The following GABRB2 variants were observed in gnomAD, a reference collection of about 807,000 sequenced individuals.
The protein encoded by GABRB2 is gamma-aminobutyric acid receptor subunit beta-2.
GABRB2 carries 16 observed loss-of-function variants against 54.7 expected under a neutral mutation model. The ratio of observed to expected loss-of-function variants is 0.29; its 90% CI spans 0.20 to 0.44. The LOEUF (loss-of-function observed/expected upper bound fraction) is 0.44. Among genes scored for constraint, GABRB2 ranks in the 20% least tolerant of loss-of-function variants. GABRB2 has a pLI of 1.00. For missense variants in GABRB2, 355 were observed against 644.0 expected, an observed-to-expected ratio of 0.55 and a Z score of 4.86; for synonymous variants, 244 against 233.8, an observed-to-expected ratio of 1.04 and a Z score of -0.40.
chr5:161,323,475 T>C (rs1758276324), intron 9 of GABRB2, among the ~76,000 whole-genome samples: 1 of 135,814 alleles, frequency 7.4e-6, no homozygotes, highest in Non-Finnish European at 1.6e-5. Context: ...GCTTCTGGGT[T>C]TTCCCTTTAT....
chr5:161,415,424 A>G (rs552706957), intron 4 of GABRB2, among the ~76,000 whole-genome samples: 1 of 152,228 alleles, frequency 6.6e-6, no homozygotes, highest in African/African-American at 2.4e-5. Context: ...ATCGTAAAAT[A>G]TTAACACAGA....
At chr5:161,404,278 T>G (rs1756285058) in intron 5 of GABRB2, among the ~76,000 whole-genome samples, 1 of 152,028 alleles carries the variant, frequency 6.6e-6, no homozygotes, top group African/African-American at 2.4e-5. Context: ...TTCAAGAAAA[T>G]ATCAAAATAG....
At chr5:161,497,530 A>ATGTGTGTGTGTGTG (rs71587162) in intron 3 of GABRB2, among the ~76,000 whole-genome samples, 15 of 147,394 alleles carry the variant, frequency 1.0e-4, no homozygotes, top group South Asian at 6.5e-4. Context: ...GTGTGTGTAT[A>ATGTGTGTGTGTGTG]TGTGTGTGTG....
intron 9 of GABRB2, among the ~76,000 whole-genome samples, chr5:161,317,855 A>T (rs1758089326): frequency 6.6e-6 from 1 of 152,098 alleles, no homozygotes; most frequent in Admixed American, 6.5e-5. Flanking sequence ...CTGTGTATGA[A>T]TGTATGAAAA....
rs1757286006 is a variant in GABRB2, at chr5:161,293,327, T to G, written c.*754A>C. 6.6e-6 allele frequency: 1 copy of G among 152,310 alleles called. No individual in the cohort carries two copies. The allele number at this position is 152,310 out of a possible 1,614,324, so 9.4% of individuals were successfully genotyped here. ...TTTTTGTTACAACCGTCGTTTCTGA[T>G]TTTCTACTCTGCTCTGTGTTGTTAA... On this transcript the variant is annotated 3_prime_UTR_variant, in exon 10 of 10. Coordinates refer to ENST00000393959, the MANE Select transcript of GABRB2 (RefSeq NM_001371727.1).
At chr5:161,514,863 C>T (rs1299644160) in intron 3 of GABRB2, among the ~76,000 whole-genome samples, 1 of 152,130 alleles carries the variant, frequency 6.6e-6, no homozygotes, top group Non-Finnish European at 1.5e-5. Context: ...ATTGATTAAT[C>T]TTTCTAATCT....
intron 4 of GABRB2, among the ~76,000 whole-genome samples, chr5:161,448,666 G>C (rs1474651453): frequency 6.6e-6 from 1 of 152,086 alleles, no homozygotes; most frequent in Non-Finnish European, 1.5e-5. Context: ...TTGTATAACT[G>C]TGAAATAGAA....
At chr5:161,527,580 T>C (rs558494758) in intron 3 of GABRB2, among the ~76,000 whole-genome samples, 2 of 151,658 alleles carry the variant, frequency 1.3e-5, no homozygotes, top group Non-Finnish European at 1.5e-5. Flanking sequence ...ATATGTGATA[T>C]AGGCTCAATA....
chr5:161,464,168 A>C (rs1758209801), intron 3 of GABRB2, among the ~76,000 whole-genome samples: 1 of 152,092 alleles, frequency 6.6e-6, no homozygotes, highest in Non-Finnish European at 1.5e-5. Flanking sequence ...AATATAAACT[A>C]CAGACTGGAA....
intron 3 of GABRB2, among the ~76,000 whole-genome samples, chr5:161,476,954 T>C (rs1433753065): frequency 6.6e-6 from 1 of 151,832 alleles, no homozygotes; most frequent in Non-Finnish European, 1.5e-5. Context: ...TAAAGACTTA[T>C]GCATACCAAA....
intron 3 of GABRB2, among the ~76,000 whole-genome samples, chr5:161,473,817 A>G (rs1433953578): frequency 6.6e-6 from 1 of 151,966 alleles, no homozygotes; most frequent in African/African-American, 2.4e-5. Context: ...TAAGATGTAG[A>G]GTCAAGTAAA....
chr5:161,469,722 CACATACACA>C (rs1186896435), intron 3 of GABRB2, among the ~76,000 whole-genome samples: 1 of 147,328 alleles, frequency 6.8e-6, no homozygotes, highest in Non-Finnish European at 1.5e-5. Flanking sequence ...CATACACATA[CACATACACA>C]TACAGCTGTT....
At chr5:161,495,761 A>G (rs1282342706) in intron 3 of GABRB2, among the ~76,000 whole-genome samples, 2 of 152,088 alleles carry the variant, frequency 1.3e-5, no homozygotes, top group East Asian at 3.9e-4. Context: ...ACTGCAAAAT[A>G]GGGGCTGTGT....
intron 5 of GABRB2, among the ~76,000 whole-genome samples, chr5:161,409,863 C>T (rs1756456502): frequency 6.6e-6 from 1 of 152,024 alleles, no homozygotes; most frequent in South Asian, 2.1e-4. Flanking sequence ...TTAACTAGTT[C>T]TATAAGGCAA....
intron 3 of GABRB2, among the ~76,000 whole-genome samples, chr5:161,530,035 T>C (rs1293774576): frequency 2.6e-5 from 4 of 152,164 alleles, no homozygotes; most frequent in East Asian, 1.9e-4. Context: ...CCTCTCTCCA[T>C]CTCCCTCTCT....
intron 4 of GABRB2, among the ~76,000 whole-genome samples, chr5:161,433,756 C>A (rs1757236627): frequency 6.6e-6 from 1 of 152,210 alleles, no homozygotes; most frequent in East Asian, 1.9e-4. Context: ...CCTAAAAATA[C>A]ATTATTAATT....
intron 9 of GABRB2, among the ~76,000 whole-genome samples, chr5:161,311,677 A>T (rs1757872474): frequency 6.6e-6 from 1 of 152,218 alleles, no homozygotes; most frequent in Admixed American, 6.5e-5. Flanking sequence ...TACATTTCCT[A>T]GGATGGATCT....
intron 3 of GABRB2, among the ~76,000 whole-genome samples, chr5:161,542,693 C>A (rs773821682): frequency 6.6e-6 from 1 of 152,146 alleles, no homozygotes; most frequent in Non-Finnish European, 1.5e-5. Context: ...GAAAGACATG[C>A]TATATCATAA....
chr5:161,375,582 A>G (rs1264005675), intron 5 of GABRB2, among the ~76,000 whole-genome samples: 3 of 152,192 alleles, frequency 2.0e-5, no homozygotes, highest in Non-Finnish European at 4.4e-5. Flanking sequence ...CTGAATGAAC[A>G]ACATTATAGC....
Sources: allele counts gnomAD v4.1 joint callset (sites outside exome capture counted in the v4.1 genomes callset), GRCh38; gene constraint gnomAD v4.1.1; transcripts MANE v1.5; gene names NCBI Gene and HGNC (gene_info 2026-07-23, HGNC 2026-07-21).